Variants in RASEF observed in about 807,000 individuals in gnomAD.
RASEF encodes RAS and EF-hand domain containing.
A neutral mutation model predicts 90.1 loss-of-function variants in RASEF; 68 were observed. The observed-to-expected ratio is 0.75, with a 90% CI of 0.62 to 0.92. The LOEUF is 0.92. Ranked by LOEUF, RASEF falls within the 40% of genes least tolerant of loss-of-function variation. RASEF has a pLI of 0.00. For missense variants in RASEF, 949 were observed against 937.2 expected, an observed-to-expected ratio of 1.01 and a Z score of -0.16; for synonymous variants, 331 against 345.2, an observed-to-expected ratio of 0.96 and a Z score of 0.46.
chr9:83,199,224 TAAAAAAAAAAAAA>T, the RASEF span, among the ~76,000 whole-genome samples: 30 of 118,626 alleles, frequency 2.5e-4, no homozygotes, highest in Non-Finnish European at 2.9e-4. Flanking sequence ...AGCCCTAATT[TAAAAAAAAAAAAA>T]AAAAAAAAAA....
rs1349464314 is a variant in RASEF, at chr9:82,980,632, A to G, written c.*2045T>C. 1 of 152,236 alleles carries G rather than the reference A, an allele frequency of 6.6e-6. No homozygotes were observed. The highest frequency in any genetic ancestry group is 1.5e-5 in the Non-Finnish European group (1 of 68,044). 9.4% of individuals were successfully genotyped at this position (152,236 alleles called of 1,614,324 possible). A position where few individuals can be genotyped will look rare whatever the true frequency, so the allele number is the denominator to read the frequency against. On this transcript the variant is annotated 3_prime_UTR_variant, in exon 17 of 17. Transcript: ENST00000376447. Reference sequence around the variant, plus strand: ...AACACAGTAACATATAAACTAACACAGTTTTGTGCAACTGCACCAAAACCT... The same window carrying G: ...AACACAGTAACATATAAACTAACACGGTTTTGTGCAACTGCACCAAAACCT...
At chr9:82,985,577 C>G (rs904699054) in intron 16 of RASEF, among the ~76,000 whole-genome samples, 1 of 152,150 alleles carries the variant, frequency 6.6e-6, no homozygotes, top group Non-Finnish European at 1.5e-5. Flanking sequence ...TGGGGTTGGA[C>G]GCAAGAAAGT....
intron 1 of RASEF, among the ~76,000 whole-genome samples, chr9:83,060,609 G>A (rs533275360): frequency 6.6e-6 from 1 of 152,308 alleles, no homozygotes; most frequent in African/African-American, 2.4e-5. Flanking sequence ...TAACAAAAAA[G>A]TGTTTAAATC....
In RASEF at chr9:83,002,036, C is replaced by A. The variant is rs528438965; in HGVS notation, c.1203-906G>T. Among the ~76,000 whole-genome samples the A allele has an allele frequency of 2.0e-5, 3 of 152,286 alleles. No individual in the cohort carries two copies. In the South Asian group the frequency reaches 6.2e-4, roughly 32 times the overall value. On this transcript the variant is annotated intron_variant, in intron 9 of 16. Coordinates refer to ENST00000376447, the MANE Select transcript of RASEF (RefSeq NM_152573.4). ...TAAGAGAATCATAAGAAACTGTATA[C>A]ATTCCTGTTTACTTTAGCTTTTCCA... is the stretch of plus-strand genomic sequence containing the variant.
chr9:83,157,940 A>C, the RASEF span, among the ~76,000 whole-genome samples: 1 of 152,232 alleles, frequency 6.6e-6, no homozygotes, highest in Non-Finnish European at 1.5e-5. Flanking sequence ...CATTTAATAT[A>C]ATAGTTATTG....
At chr9:83,052,357 G>C (rs1232796474) in intron 1 of RASEF, among the ~76,000 whole-genome samples, 1 of 127,202 alleles carries the variant, frequency 7.9e-6, no homozygotes, top group African/African-American at 3.4e-5. Flanking sequence ...ATTCTCTGAT[G>C]GTAGTTTGTA....
chr9:83,040,461 A>G (rs1194606633), intron 1 of RASEF, among the ~76,000 whole-genome samples: 1 of 152,242 alleles, frequency 6.6e-6, no homozygotes, highest in Admixed American at 6.5e-5. Context: ...TTGCATACAT[A>G]GATAACTCAC....
Position 82,998,466 on chromosome 9 carries a change from T to G in RASEF, c.1724-20A>C. On this transcript the variant is annotated intron_variant, in intron 12 of 16. Transcript: ENST00000376447. ...CAACTCCTGAAAAGGAATGTGAGAGTGGAGAGCACGATGTAAATAATTCCA... is the reference window on the plus strand; with the variant it reads ...CAACTCCTGAAAAGGAATGTGAGAGGGGAGAGCACGATGTAAATAATTCCA... 4 of 1,470,352 alleles carry G rather than the reference T, an allele frequency of 2.7e-6. No homozygotes were observed. The highest frequency in any genetic ancestry group is 3.8e-6 in the Non-Finnish European group (4 of 1,049,878). The allele number at this position is 1,470,352 out of a possible 1,614,324, so 91.1% of individuals were successfully genotyped here. A position where few individuals can be genotyped will look rare whatever the true frequency, so the allele number is the denominator to read the frequency against.
intron 1 of RASEF, chr9:83,055,346 G>A: frequency 4.7e-6 from 2 of 427,658 alleles, no homozygotes; most frequent in Non-Finnish European, 4.3e-6. Flanking sequence ...ACTCGGAAAG[G>A]GAACTCCCTG....
In RASEF at chr9:83,062,421, C is replaced by A; in HGVS notation, c.431+16G>T. The A allele has an allele frequency of 6.2e-7, 1 of 1,611,972 alleles. No homozygotes were observed. The highest frequency in any genetic ancestry group is 8.5e-7 in the Non-Finnish European group (1 of 1,179,050). ...AAGCGCCAGAATAACCTCCCGCCCCCAGCTCACACTCGCACCTGGGAATGA... is the reference window on the plus strand; with the variant it reads ...AAGCGCCAGAATAACCTCCCGCCCCAAGCTCACACTCGCACCTGGGAATGA... On this transcript the variant is annotated intron_variant, in intron 1 of 16. Coordinates refer to ENST00000376447, the MANE Select transcript of RASEF (RefSeq NM_152573.4).
chr9:83,082,049 G>A, the RASEF span, among the ~76,000 whole-genome samples: 13 of 152,126 alleles, frequency 8.5e-5, no homozygotes, highest in South Asian at 6.2e-4. Flanking sequence ...GACACCCAGC[G>A]TCAGTAAGAG....
intron 3 of RASEF, 58 bp from the exon 4 acceptor site, chr9:83,015,958 A>C: frequency 7.9e-7 from 1 of 1,266,716 alleles, no homozygotes; most frequent in Non-Finnish European, 1.1e-6. Context: ...TAACCTTCAA[A>C]ACCCCACAGG....
At chr9:82,992,538 C>A (rs1303805822) in intron 15 of RASEF, among the ~76,000 whole-genome samples, 1 of 152,150 alleles carries the variant, frequency 6.6e-6, no homozygotes, top group Non-Finnish European at 1.5e-5. Context: ...CCTCTGAAAC[C>A]AAAGCCATCT....
chr9:83,043,547 A>G (rs1829877731), intron 1 of RASEF, among the ~76,000 whole-genome samples: 1 of 152,214 alleles, frequency 6.6e-6, no homozygotes, highest in South Asian at 2.1e-4. Flanking sequence ...TTGTCTTTGA[A>G]GAATACATTC....
chr9:83,046,832 C>G (rs1387811168), intron 1 of RASEF, among the ~76,000 whole-genome samples: 1 of 152,214 alleles, frequency 6.6e-6, no homozygotes, highest in Admixed American at 6.5e-5. Context: ...CCCATAAACC[C>G]TTCATCCTTG....
At chr9:83,183,593 A>G in the RASEF span, among the ~76,000 whole-genome samples, 9 of 152,284 alleles carry the variant, frequency 5.9e-5, no homozygotes, top group African/African-American at 2.2e-4. Context: ...CCATTAAATC[A>G]TTATTATTAT....
chr9:82,989,036 G>A (rs1012725171), intron 16 of RASEF, among the ~76,000 whole-genome samples: 5 of 152,040 alleles, frequency 3.3e-5, no homozygotes, highest in African/African-American at 1.2e-4. Flanking sequence ...GTGAATACAG[G>A]GCATCTGCCA....
At chr9:83,173,908 G>A in the RASEF span, among the ~76,000 whole-genome samples, 51 of 151,886 alleles carry the variant, frequency 3.4e-4, no homozygotes. Flanking sequence ...TCTTGATACG[G>A]TGTTTATTTA....
At chr9:83,098,602 A>G in the RASEF span, among the ~76,000 whole-genome samples, 5 of 152,190 alleles carry the variant, frequency 3.3e-5, no homozygotes, top group African/African-American at 1.2e-4. Context: ...CTGCTGATAA[A>G]GGCATACCCA....
Sources: gnomAD v4.1 joint callset for allele counts (sites outside exome capture counted in the v4.1 genomes callset) on GRCh38, gnomAD v4.1.1 for gene constraint, MANE v1.5 for transcripts, NCBI Gene and HGNC (gene_info 2026-07-23, HGNC 2026-07-21) for gene names.